ZC3H12B: variants seen among roughly 807,000 people sequenced by gnomAD.
ZC3H12B encodes zinc finger CCCH-type containing 12B.
In ZC3H12B, 7 loss-of-function variants were observed where a neutral mutation model predicts 43.9. The ratio of observed to expected loss-of-function variants is 0.16; its 90% confidence interval spans 0.09 to 0.30. ZC3H12B has a LOEUF of 0.30. Among genes scored for constraint, ZC3H12B ranks in the 10% least tolerant of loss-of-function variants. The pLI is 1.00. For synonymous variants in ZC3H12B, 222 were observed against 241.7 expected, an observed-to-expected ratio of 0.92 and a Z score of 0.76; for missense variants, 475 against 670.2, an observed-to-expected ratio of 0.71 and a Z score of 3.22.
At chrX:65,201,205 T>A in the ZC3H12B span, among the ~76,000 whole-genome samples, 1 of 111,920 alleles carries the variant, frequency 8.9e-6, no homozygotes, top group East Asian at 2.8e-4. Flanking sequence ...GTAGGCTATT[T>A]ACTACCACCT....
intron 2 of ZC3H12B, among the ~76,000 whole-genome samples, chrX:65,387,646 G>A (rs5918565): frequency 0.21 from 23,236 of 110,654 alleles, 2,227 homozygotes; most frequent in Admixed American, 0.32. Flanking sequence ...TTACATTTAT[G>A]GTTAATATTG....
At chrX:65,075,994 C>G in the ZC3H12B span, among the ~76,000 whole-genome samples, 3 of 111,335 alleles carry the variant, frequency 2.7e-5, no homozygotes, top group Non-Finnish European at 5.7e-5. Context: ...TAACTAGTTT[C>G]TGGATTTCTC....
chrX:65,309,401 A>G, the ZC3H12B span, among the ~76,000 whole-genome samples: 19 of 112,181 alleles, frequency 1.7e-4, no homozygotes, highest in Admixed American at 2.8e-4. Context: ...TCTAGAAGAA[A>G]TGGATAAATT....
At chrX:65,489,506 A>G (rs2068174803) in intron 1 of ZC3H12B, 97 bp downstream of exon 6, 1 of 995,902 alleles carries the variant, frequency 1.0e-6, no homozygotes, top group Non-Finnish European at 1.3e-6. Flanking sequence ...GAGCATGGCT[A>G]TTGACTGTGG....
exon 5 of ZC3H12B, chrX:65,507,063 C>A (rs1452873890): frequency 1.8e-5 from 2 of 112,046 alleles, no homozygotes; most frequent in East Asian, 5.6e-4. Flanking sequence ...AATTCAAACA[C>A]TGATTTCCAT....
chrX:65,217,561 A>G, the ZC3H12B span, among the ~76,000 whole-genome samples: 1 of 112,466 alleles, frequency 8.9e-6, no homozygotes, highest in Non-Finnish European at 1.9e-5. Flanking sequence ...AAACATCAAG[A>G]TAACACAGAC....
At chrX:65,434,273 G>C (rs1398301311) in intron 3 of ZC3H12B, among the ~76,000 whole-genome samples, 1 of 111,677 alleles carries the variant, frequency 9.0e-6, no homozygotes, top group Non-Finnish European at 1.9e-5. Flanking sequence ...TCATAGTATT[G>C]GTAAAATATA....
the ZC3H12B span, among the ~76,000 whole-genome samples, chrX:65,206,828 A>T: frequency 9.0e-6 from 1 of 110,958 alleles, no homozygotes; most frequent in Non-Finnish European, 1.9e-5. Context: ...AAACAATCCC[A>T]TCAAAAAGTG....
intron 3 of ZC3H12B, among the ~76,000 whole-genome samples, chrX:65,464,471 TC>T (rs2067792567): frequency 9.0e-6 from 1 of 111,446 alleles, no homozygotes; most frequent in Non-Finnish European, 1.9e-5. Context: ...AGCAGTAATA[TC>T]CCCTTTTATT....
the ZC3H12B span, among the ~76,000 whole-genome samples, chrX:65,176,385 A>G: frequency 1.8e-5 from 2 of 111,572 alleles, no homozygotes; most frequent in East Asian, 5.7e-4. Flanking sequence ...AGGAGCCCCA[A>G]TCAGGGGCTT....
chrX:65,302,746 C>A, the ZC3H12B span, among the ~76,000 whole-genome samples: 1 of 111,784 alleles, frequency 8.9e-6, no homozygotes, highest in South Asian at 3.7e-4. Flanking sequence ...ACATTACCTG[C>A]ATTCAAGTCT....
chrX:65,198,555 A>C, the ZC3H12B span, among the ~76,000 whole-genome samples: 2 of 111,897 alleles, frequency 1.8e-5, no homozygotes, highest in Non-Finnish European at 3.8e-5. Context: ...TTTTAAATAT[A>C]TCATGCCACT....
intron 3 of ZC3H12B, among the ~76,000 whole-genome samples, chrX:65,479,801 G>A (rs763600118): frequency 9.8e-5 from 11 of 112,424 alleles, no homozygotes; most frequent in African/African-American, 3.5e-4. Flanking sequence ...CAGAATGAAG[G>A]GATTTATTGA....
At chrX:65,163,551 C>T in the ZC3H12B span, among the ~76,000 whole-genome samples, 2 of 111,520 alleles carry the variant, frequency 1.8e-5, no homozygotes, top group Admixed American at 9.6e-5. Flanking sequence ...AGTGAGACTC[C>T]GTGGGCGTAG....
the ZC3H12B span, among the ~76,000 whole-genome samples, chrX:65,204,434 T>C: frequency 4.5e-5 from 5 of 112,133 alleles, no homozygotes; most frequent in Non-Finnish European, 9.4e-5. Context: ...AAAATGCCTG[T>C]CATTTTTCAA....
chrX:65,301,793 T>C, the ZC3H12B span, among the ~76,000 whole-genome samples: 152 of 111,258 alleles, frequency 1.4e-3, 1 homozygote, highest in Middle Eastern at 4.6e-3. Context: ...ATCTCACAAA[T>C]CACTGCTAAA....
the ZC3H12B span, among the ~76,000 whole-genome samples, chrX:65,173,200 A>T: frequency 9.0e-6 from 1 of 111,329 alleles, no homozygotes; most frequent in Non-Finnish European, 1.9e-5. Flanking sequence ...ATGGGAGTTC[A>T]CTCATGATTT....
chrX:65,222,278 G>A, the ZC3H12B span, among the ~76,000 whole-genome samples: 2 of 111,052 alleles, frequency 1.8e-5, 1 homozygote, highest in South Asian at 7.6e-4. Context: ...CATTGCCTCT[G>A]AGAACCAGAA....
chrX:65,228,874 A>T, the ZC3H12B span, among the ~76,000 whole-genome samples: 1 of 112,020 alleles, frequency 8.9e-6, no homozygotes, highest in Admixed American at 9.5e-5. Flanking sequence ...CTGCTCAAGG[A>T]AATAAAAGAG....
Sources: gnomAD v4.1 joint callset for allele counts (sites outside exome capture counted in the v4.1 genomes callset) on GRCh38, gnomAD v4.1.1 for gene constraint, MANE v1.5 for transcripts, NCBI Gene and HGNC (gene_info 2026-07-23, HGNC 2026-07-21) for gene names.